SGCD: variants seen among roughly 807,000 people sequenced by gnomAD.
The protein encoded by SGCD is sarcoglycan delta, also known as delta-sarcoglycan.
SGCD carries 18 observed loss-of-function variants against 36.6 expected under a neutral mutation model. The observed-to-expected ratio is 0.49, with a 90% CI of 0.34 to 0.73. The LOEUF (loss-of-function observed/expected upper bound fraction) is 0.73. SGCD is among the 30% of genes least tolerant of loss of function. The probability of loss-of-function intolerance (pLI) is 0.01; values close to 1 mark genes in which losing one functional copy is unlikely to be tolerated. For missense variants in SGCD, 387 were observed against 346.7 expected, an observed-to-expected ratio of 1.12 and a Z score of -0.92; for synonymous variants, 133 against 130.6, an observed-to-expected ratio of 1.02 and a Z score of -0.12.
At chr5:156,029,495 CT>C (rs1759296360) in intron 1 of SGCD, among the ~76,000 whole-genome samples, 1 of 152,146 alleles carries the variant, frequency 6.6e-6, no homozygotes, top group East Asian at 1.9e-4. Flanking sequence ...TAGATGTGAT[CT>C]TTATCCTCAC....
intron 3 of SGCD, among the ~76,000 whole-genome samples, chr5:156,303,839 A>G (rs1767126486): frequency 6.6e-6 from 1 of 151,700 alleles, no homozygotes; most frequent in South Asian, 2.1e-4. Flanking sequence ...TCTAAGTTGC[A>G]AGGCAAAGTC....
At chr5:156,068,135 A>AC (rs1760392329) in intron 1 of SGCD, among the ~76,000 whole-genome samples, 1 of 151,012 alleles carries the variant, frequency 6.6e-6, no homozygotes, top group Non-Finnish European at 1.5e-5. Flanking sequence ...ATGTTATTTT[A>AC]TTTTATTTTA....
chr5:155,772,568 C>A, the SGCD span, among the ~76,000 whole-genome samples: 142 of 152,182 alleles, frequency 9.3e-4, no homozygotes, highest in African/African-American at 3.1e-3. Context: ...TATAATGACT[C>A]CTTTACTTTA....
chr5:156,534,886 G>C (rs1758033747), intron 4 of SGCD, among the ~76,000 whole-genome samples: 1 of 152,162 alleles, frequency 6.6e-6, no homozygotes, highest in African/African-American at 2.4e-5. Context: ...GAGGCTTCGT[G>C]ATAGAAGAAA....
chr5:156,103,642 C>T (rs779391716), intron 1 of SGCD, among the ~76,000 whole-genome samples: 1 of 151,982 alleles, frequency 6.6e-6, no homozygotes, highest in East Asian at 1.9e-4. Flanking sequence ...TGGTTTCAGC[C>T]CCCAGCACCC....
At chr5:155,801,034 A>G in the SGCD span, among the ~76,000 whole-genome samples, 1 of 151,896 alleles carries the variant, frequency 6.6e-6, no homozygotes, top group South Asian at 2.1e-4. Flanking sequence ...TGCCTTTATT[A>G]TTTTGTTTAT....
intron 4 of SGCD, among the ~76,000 whole-genome samples, chr5:156,558,390 T>C (rs566530351): frequency 6.6e-5 from 10 of 152,114 alleles, no homozygotes; most frequent in Admixed American, 5.2e-4. Flanking sequence ...TTTATGGCCA[T>C]TACTGGTGAT....
intron 7 of SGCD, among the ~76,000 whole-genome samples, chr5:156,707,040 C>T (rs897040087): frequency 6.6e-6 from 1 of 152,092 alleles, no homozygotes; most frequent in Non-Finnish European, 1.5e-5. Flanking sequence ...GACATGTATT[C>T]CAAAAAACAC....
At chr5:156,713,394 T>C (rs1319782956) in intron 7 of SGCD, among the ~76,000 whole-genome samples, 1 of 143,170 alleles carries the variant, frequency 7.0e-6, no homozygotes, top group Non-Finnish European at 1.5e-5. Context: ...AGGAAGAATA[T>C]GGACTTTGAA....
intron 1 of SGCD, among the ~76,000 whole-genome samples, chr5:155,917,258 G>T (rs952010784): frequency 6.6e-6 from 1 of 152,080 alleles, no homozygotes; most frequent in Non-Finnish European, 1.5e-5. Flanking sequence ...AGATTACACT[G>T]ACTCCATGCA....
At chr5:156,751,486 TCTGTTCATCC>T (rs1357568268) in intron 7 of SGCD, among the ~76,000 whole-genome samples, 2 of 152,164 alleles carry the variant, frequency 1.3e-5, no homozygotes, top group Admixed American at 1.3e-4. Flanking sequence ...ATGTAAAACC[TCTGTTCATCC>T]ACAGATGGTA....
At chr5:155,728,014 C>T in the SGCD span, among the ~76,000 whole-genome samples, 5 of 152,162 alleles carry the variant, frequency 3.3e-5, no homozygotes, top group African/African-American at 1.2e-4. Flanking sequence ...CCCCACCCCG[C>T]CCGCGTTTCG....
At chr5:155,871,980 G>A (rs1332082622) in intron 1 of SGCD, among the ~76,000 whole-genome samples, 1 of 152,204 alleles carries the variant, frequency 6.6e-6, no homozygotes, top group Non-Finnish European at 1.5e-5. Flanking sequence ...GGGACTGTTT[G>A]CCAAGGCAAG....
At chr5:156,487,788 CAA>C (rs56006984) in intron 3 of SGCD, among the ~76,000 whole-genome samples, 2 of 41,382 alleles carry the variant, frequency 4.8e-5, no homozygotes, top group Non-Finnish European at 1.1e-4. Context: ...ACTCTGTCAC[CAA>C]AAAAAAAAAA....
the SGCD span, among the ~76,000 whole-genome samples, chr5:155,746,276 G>T: frequency 6.6e-6 from 1 of 152,104 alleles, no homozygotes; most frequent in African/African-American, 2.4e-5. Context: ...AGTCTTCTTG[G>T]AGTAAAGAAT....
At chr5:156,669,135 T>C (rs532683561) in intron 7 of SGCD, among the ~76,000 whole-genome samples, 2 of 152,190 alleles carry the variant, frequency 1.3e-5, no homozygotes, top group East Asian at 1.9e-4. Context: ...AAGTTCAAAG[T>C]AGATAGTCCA....
At chr5:156,028,902 C>T (rs574069947) in intron 1 of SGCD, among the ~76,000 whole-genome samples, 1 of 152,076 alleles carries the variant, frequency 6.6e-6, no homozygotes, top group African/African-American at 2.4e-5. Context: ...AAAGACATAC[C>T]ACTCAGCACG....
chr5:156,461,127 T>C (rs1478389844), intron 3 of SGCD, among the ~76,000 whole-genome samples: 2 of 152,192 alleles, frequency 1.3e-5, no homozygotes, highest in African/African-American at 4.8e-5. Flanking sequence ...TGTGAGTCTG[T>C]GCCTATGTCC....
chr5:155,736,876 C>T, the SGCD span, among the ~76,000 whole-genome samples: 6 of 152,000 alleles, frequency 3.9e-5, no homozygotes, highest in Admixed American at 6.5e-5. Context: ...ACAAAAATAA[C>T]GACGGGATTA....
Sources: gnomAD v4.1 joint callset for allele counts (sites outside exome capture counted in the v4.1 genomes callset) on GRCh38, gnomAD v4.1.1 for gene constraint, MANE v1.5 for transcripts, NCBI Gene and HGNC (gene_info 2026-07-23, HGNC 2026-07-21) for gene names.